Variants in BPIFC observed in about 807,000 individuals in gnomAD.
The protein encoded by BPIFC is BPI fold-containing family C protein.
In BPIFC, 60 loss-of-function variants were observed where a neutral mutation model predicts 57.6. The ratio of observed to expected loss-of-function variants is 1.04; its 90% CI spans 0.85 to 1.29. BPIFC has a LOEUF of 1.29. Ranked by LOEUF, BPIFC falls within the 50% of genes most tolerant of loss-of-function variation. The probability of loss-of-function intolerance (pLI) is 0.00; values close to 1 mark genes in which losing one functional copy is unlikely to be tolerated. For synonymous variants in BPIFC, 243 were observed against 224.5 expected, an observed-to-expected ratio of 1.08 and a Z score of -0.74; for missense variants, 581 against 600.5, an observed-to-expected ratio of 0.97 and a Z score of 0.34.
intron 3 of BPIFC, among the ~76,000 whole-genome samples, chr22:32,454,558 T>C (rs1305633410): frequency 6.6e-6 from 1 of 152,226 alleles, no homozygotes; most frequent in Non-Finnish European, 1.5e-5. Context: ...TTGAGAAAAG[T>C]AACCTCCATA....
At chr22:32,463,149 G>A (rs1935199293) in intron 1 of BPIFC, among the ~76,000 whole-genome samples, 1 of 152,160 alleles carries the variant, frequency 6.6e-6, no homozygotes, top group Non-Finnish European at 1.5e-5. Flanking sequence ...AGAAATTACT[G>A]GGGTATGAAG....
At chr22:32,457,409 G>C in intron 2 of BPIFC, 23 bp from the exon 3 acceptor site, 1 of 1,596,388 alleles carries the variant, frequency 6.3e-7, no homozygotes, top group Non-Finnish European at 8.5e-7. Flanking sequence ...AACAGTTAAG[G>C]TTCCTTTATT....
chr22:32,444,440 T>G (rs1260760135), intron 7 of BPIFC, among the ~76,000 whole-genome samples: 1 of 152,218 alleles, frequency 6.6e-6, no homozygotes, highest in Non-Finnish European at 1.5e-5. Flanking sequence ...ACTAGAGAGA[T>G]GGACGTGACC....
intron 13 of BPIFC, among the ~76,000 whole-genome samples, chr22:32,429,450 C>A (rs1423676513): frequency 6.6e-6 from 1 of 150,972 alleles, no homozygotes; most frequent in African/African-American, 2.4e-5. Context: ...TCATGATCCG[C>A]TCGCCTCAGC....
At chr22:32,446,182 G>A (rs1366507049) in intron 5 of BPIFC, among the ~76,000 whole-genome samples, 186 bp from the exon 6 acceptor site, 4 of 152,156 alleles carry the variant, frequency 2.6e-5, no homozygotes, top group African/African-American at 4.8e-5. Context: ...CAGAACAGAC[G>A]AAGTACTGAA....
intron 13 of BPIFC, among the ~76,000 whole-genome samples, chr22:32,430,552 T>G (rs1467425371): frequency 6.9e-6 from 1 of 144,328 alleles, no homozygotes; most frequent in Non-Finnish European, 1.5e-5. Flanking sequence ...ATGTTTTATA[T>G]AAATATAAAA....
At chr22:32,457,674 A>AGGGT (rs1386955699) in intron 2 of BPIFC, among the ~76,000 whole-genome samples, 2 of 152,052 alleles carry the variant, frequency 1.3e-5, no homozygotes, top group Non-Finnish European at 2.9e-5. Flanking sequence ...CTAGGTGCTA[A>AGGGT]GGGTGTAGTG....
At chr22:32,419,905 C>G (rs1300184246) in intron 13 of BPIFC, among the ~76,000 whole-genome samples, 1 of 151,860 alleles carries the variant, frequency 6.6e-6, no homozygotes, top group Non-Finnish European at 1.5e-5. Flanking sequence ...CTATATTTTG[C>G]TGCTTAAGAA....
intron 14 of BPIFC, among the ~76,000 whole-genome samples, chr22:32,417,654 G>A (rs1304229172): frequency 6.6e-6 from 1 of 152,138 alleles, no homozygotes; most frequent in Non-Finnish European, 1.5e-5. Context: ...CCTCTACACT[G>A]GATTTTGGTG....
At position 32,432,412 on chromosome 22, in the gene BPIFC, G is replaced by T. The variant is rs1934273447; in HGVS notation, c.1110C>A (p.Pro370=). 1.9e-6 allele frequency: 3 copies of T among 1,614,112 alleles called. No individual in the cohort carries two copies. Among genetic ancestry groups the T allele is most frequent in the Non-Finnish European group, 2.5e-6 (3 of 1,180,044 alleles). The change falls in exon 12 of 17, where the codon CCC becomes CCA. Residue 370 remains proline, a synonymous_variant. Coordinates refer to ENST00000300399, the MANE Select transcript of BPIFC (RefSeq NM_174932.3). ...IPASIMMLTQ[P]KNSTVETIVS... ...CGATGGTTTCAACTGTGGAGTTCTT[G>T]GGTTGGGTGAGCATCATGATGGAGG... is the stretch of plus-strand genomic sequence containing the variant.
intron 13 of BPIFC, among the ~76,000 whole-genome samples, chr22:32,425,641 C>T (rs1349759052): frequency 6.6e-6 from 1 of 151,984 alleles, no homozygotes; most frequent in Non-Finnish European, 1.5e-5. Flanking sequence ...TATTATTGGG[C>T]CTTTACCGTC....
intron 1 of BPIFC, among the ~76,000 whole-genome samples, chr22:32,463,034 C>G (rs1935197725): frequency 6.6e-6 from 1 of 152,044 alleles, no homozygotes. Context: ...GTTTTCCCTT[C>G]TTGGTTAAAA....
intron 8 of BPIFC, among the ~76,000 whole-genome samples, chr22:32,438,913 A>G (rs1934485057): frequency 2.0e-5 from 3 of 152,160 alleles, no homozygotes; most frequent in Admixed American, 2.0e-4. Flanking sequence ...ACTAAATTGG[A>G]GAGGCCAAGG....
intron 14 of BPIFC, 91 bp from the exon 15 acceptor site, chr22:32,417,239 G>A (rs1009919103): frequency 1.1e-6 from 1 of 896,282 alleles, no homozygotes; most frequent in African/African-American, 1.8e-5. Flanking sequence ...GCAGTAGTGT[G>A]ATCATGGCTC....
intron 16 of BPIFC, 27 bp from the exon 17 acceptor site, chr22:32,414,452 A>C (rs1285510107): frequency 3.1e-6 from 5 of 1,610,122 alleles, no homozygotes; most frequent in Non-Finnish European, 4.2e-6. Flanking sequence ...AATGAAGATA[A>C]CGTCAAAACT....
chr22:32,444,791 T>G (rs1793758899), intron 7 of BPIFC, among the ~76,000 whole-genome samples: 1 of 152,194 alleles, frequency 6.6e-6, no homozygotes, highest in Admixed American at 6.5e-5. Context: ...CCTGTAAAAA[T>G]TATCTCCCAG....
In BPIFC at chr22:32,442,701, C is replaced by T. The variant is rs1391858945; in HGVS notation, c.625G>A (p.Ala209Thr). The change falls in exon 8 of 17, where the codon GCG becomes ACG. Residue 209 changes from alanine to threonine, a missense_variant. Ala to Thr is a moderately conservative substitution (Grantham distance 58). Coordinates refer to ENST00000300399, the MANE Select transcript of BPIFC (RefSeq NM_174932.3). ...AGTGTGCTGAGGTTGGCATTTAGCG[C>T]TTTGACTTCACTTGCAATAATGGGA... ...LCPIIASEVK[A>T]LNANLSTLEV... The T allele has an allele frequency of 1.4e-5, 22 of 1,613,860 alleles. No homozygotes were observed. Among genetic ancestry groups the T allele is most frequent in the Non-Finnish European group, 1.8e-5 (21 of 1,179,990 alleles).
Position 32,453,368 on chromosome 22 carries a change from C to T in BPIFC, c.245+15G>A. On this transcript the variant is annotated intron_variant, in intron 4 of 16. Coordinates refer to ENST00000300399, the MANE Select transcript of BPIFC (RefSeq NM_174932.3). ...AGCTTCTTATAAGAGGCAAAATGCTCTTCTTTTTACTTACTTTGAAAAATT... is the reference window on the plus strand; with the variant it reads ...AGCTTCTTATAAGAGGCAAAATGCTTTTCTTTTTACTTACTTTGAAAAATT... 6.4e-7 allele frequency: 1 copy of T among 1,559,916 alleles called. No individual in the cohort carries two copies. Among genetic ancestry groups the T allele is most frequent in the Non-Finnish European group, 8.7e-7 (1 of 1,155,846 alleles).
In BPIFC at chr22:32,424,672, T is replaced by TCCTCCTCCTCCTCCTCCTCCTCCTCCTCC. The variant is rs1933977932; in HGVS notation, c.1218-5269_1218-5268insGGAGGAGGAGGAGGAGGAGGAGGAGGAGG. 2.2e-4 allele frequency among the ~76,000 whole-genome samples: 19 copies of TCCTCCTCCTCCTCCTCCTCCTCCTCCTCC among 86,948 alleles called. 1 individual carries two copies. Among genetic ancestry groups the TCCTCCTCCTCCTCCTCCTCCTCCTCCTCC allele is most frequent in the Non-Finnish European group, 3.5e-4 (17 of 48,658 alleles). 57.0% of individuals were successfully genotyped at this position (86,948 alleles called of 152,430 possible). ...CTTCTTCTTCTTCTTCTTCTTCTTC[T>TCCTCCTCCTCCTCCTCCTCCTCCTCCTCC]TCTTCTTCTTCTTCTTCTTCCTCTT... On this transcript the variant is annotated intron_variant, in intron 13 of 16. Coordinates refer to ENST00000300399, the MANE Select transcript of BPIFC (RefSeq NM_174932.3).
Sources: allele counts gnomAD v4.1 joint callset (sites outside exome capture counted in the v4.1 genomes callset), GRCh38; gene constraint gnomAD v4.1.1; transcripts MANE v1.5; gene names NCBI Gene and HGNC (gene_info 2026-07-23, HGNC 2026-07-21).